GRIP1: variants seen among roughly 807,000 people sequenced by gnomAD.
The protein encoded by GRIP1 is glutamate receptor interacting protein 1, also known as glutamate receptor-interacting protein 1.
In GRIP1, 45 loss-of-function variants were observed where a neutral mutation model predicts 129.9. The ratio of observed to expected loss-of-function variants is 0.35; its 90% CI spans 0.27 to 0.44. The LOEUF (loss-of-function observed/expected upper bound fraction) is 0.44, where lower values mean the gene tolerates loss of function less well. Among genes scored for constraint, GRIP1 ranks in the 20% least tolerant of loss-of-function variants. The probability of loss-of-function intolerance (pLI) is 1.00; values close to 1 mark genes in which losing one functional copy is unlikely to be tolerated. For missense variants in GRIP1, 1,196 were observed against 1,396.8 expected (o/e 0.86, Z 2.29); for synonymous variants, 530 against 520.8 (o/e 1.02, Z -0.24).
In GRIP1 at chr12:66,896,497, C is replaced by A. The variant is rs982121730; in HGVS notation, c.58+172553G>T. ...AGGAATTTGAAAAAAAAAAAAAAAACTTTGGTGGGCCTGAATGCCCCATTG... is the reference window on the plus strand; with the variant it reads ...AGGAATTTGAAAAAAAAAAAAAAAAATTTGGTGGGCCTGAATGCCCCATTG... On this transcript the variant is annotated intron_variant, in intron 1 of 1. Transcript: ENST00000643019. Among the ~76,000 whole-genome samples, 505 of 82,428 alleles carry A rather than the reference C, an allele frequency of 6.1e-3. 1 individual carries two copies. Among genetic ancestry groups the A allele is most frequent in the Middle Eastern group, 0.02 (4 of 202 alleles). The allele number at this position is 82,428 out of a possible 152,430, so 54.1% of individuals were successfully genotyped here. A position where few individuals can be genotyped will look rare whatever the true frequency, so the allele number is the denominator to read the frequency against.
chr12:66,415,771 T>C (rs1261943208), intron 15 of GRIP1, among the ~76,000 whole-genome samples: 4 of 152,048 alleles, frequency 2.6e-5, no homozygotes, highest in African/African-American at 9.7e-5. Flanking sequence ...CCTTTGCAGG[T>C]ACATGGATAG....
At chr12:66,378,845 G>GCTGACGCATGTGAATCGCTAGAAC (rs1328533930) in intron 20 of GRIP1, among the ~76,000 whole-genome samples, 1 of 151,958 alleles carries the variant, frequency 6.6e-6, no homozygotes, top group Non-Finnish European at 1.5e-5. Context: ...TACTCAGGAG[G>GCTGACGCATGTGAATCGCTAGAAC]CTGACGCATG....
intron 1 of GRIP1, among the ~76,000 whole-genome samples, chr12:66,792,780 A>C (rs543332582): frequency 1.3e-5 from 2 of 152,306 alleles, no homozygotes; most frequent in South Asian, 4.1e-4. Flanking sequence ...TTGTCTGAGA[A>C]AATTACAACA....
chr12:66,622,532 C>T (rs1342660891), intron 1 of GRIP1, among the ~76,000 whole-genome samples: 1 of 151,836 alleles, frequency 6.6e-6, no homozygotes, highest in Non-Finnish European at 1.5e-5. Flanking sequence ...TCTCATATAC[C>T]CCATGAATAC....
In GRIP1 at chr12:66,529,819, A is replaced by G. The variant is rs775774117; in HGVS notation, c.502+12T>C. Reference sequence around the variant, plus strand: ...ATTTTTTTTAAAGTAGATTTTTCTAACCAACACCTACCTCGAATTACAAAA... The same window carrying G: ...ATTTTTTTTAAAGTAGATTTTTCTAGCCAACACCTACCTCGAATTACAAAA... On this transcript the variant is annotated intron_variant, in intron 5 of 24. Transcript: ENST00000359742. 1 of 1,462,770 alleles carries G rather than the reference A, an allele frequency of 6.8e-7. No individual in the cohort carries two copies. Among genetic ancestry groups the G allele is most frequent in the South Asian group, 1.1e-5 (1 of 88,066 alleles). 90.6% of individuals were successfully genotyped at this position (1,462,770 alleles called of 1,614,324 possible).
At chr12:66,699,268 G>T (rs1038062769) in intron 1 of GRIP1, among the ~76,000 whole-genome samples, 1 of 152,192 alleles carries the variant, frequency 6.6e-6, no homozygotes, top group Non-Finnish European at 1.5e-5. Flanking sequence ...GGCTTCTGTG[G>T]TTCAATAACT....
At position 66,368,703 on chromosome 12, in the gene GRIP1, G is replaced by A. The variant is rs76080098; in HGVS notation, c.3012+2991C>T. 2.4e-3 allele frequency among the ~76,000 whole-genome samples: 368 copies of A among 152,298 alleles called. 2 individuals carry two copies. Among genetic ancestry groups the A allele is most frequent in the African/African-American group, 7.5e-3 (311 of 41,560 alleles). On this transcript the variant is annotated intron_variant, in intron 23 of 24. Coordinates refer to ENST00000359742, the MANE Select transcript of GRIP1 (RefSeq NM_001366722.1). ...GTTCACAAAGGTTTAATACAGGCTA[G>A]TAGTACCCCAGGGGAAGAGAGCTCC...
intron 1 of GRIP1, among the ~76,000 whole-genome samples, chr12:66,984,560 G>T (rs2042283545): frequency 6.6e-6 from 1 of 152,104 alleles, no homozygotes; most frequent in Non-Finnish European, 1.5e-5. Flanking sequence ...ACTCTATGAG[G>T]TAATTATATT....
intron 1 of GRIP1, among the ~76,000 whole-genome samples, chr12:66,925,650 T>C (rs1275297029): frequency 2.0e-5 from 3 of 152,154 alleles, no homozygotes; most frequent in African/African-American, 7.2e-5. Context: ...TTTTTTTGTT[T>C]GTTTGTTTTT....
intron 15 of GRIP1, among the ~76,000 whole-genome samples, chr12:66,416,074 A>T (rs2057590671): frequency 6.6e-6 from 1 of 152,092 alleles, no homozygotes; most frequent in Non-Finnish European, 1.5e-5. Context: ...GGAACTTAAA[A>T]TAAAATTTGA....
intron 1 of GRIP1, among the ~76,000 whole-genome samples, chr12:66,656,558 C>T (rs2033169894): frequency 6.6e-6 from 1 of 152,036 alleles, no homozygotes; most frequent in South Asian, 2.1e-4. Context: ...TGTTGTTTTT[C>T]TTATGGTACG....
intron 7 of GRIP1, 112 bp downstream of exon 7, chr12:66,515,507 T>G (rs878950407): frequency 2.1e-6 from 2 of 961,032 alleles, no homozygotes; most frequent in Admixed American, 3.4e-5. Context: ...ATTTATGAAT[T>G]CTGTCTGCTC....
intron 1 of GRIP1, among the ~76,000 whole-genome samples, chr12:66,676,858 T>C (rs959482002): frequency 3.3e-5 from 5 of 152,138 alleles, no homozygotes; most frequent in Non-Finnish European, 5.9e-5. Context: ...ACCACAAGTA[T>C]GGGTGGGGTG....
chr12:66,395,958 A>G (rs1435972253), intron 16 of GRIP1, among the ~76,000 whole-genome samples: 1 of 152,088 alleles, frequency 6.6e-6, no homozygotes, highest in Non-Finnish European at 1.5e-5. Context: ...AAAAGTCTAA[A>G]TTTTCCTACA....
intron 1 of GRIP1, among the ~76,000 whole-genome samples, chr12:66,786,789 T>C (rs2038360510): frequency 6.6e-6 from 1 of 152,156 alleles, no homozygotes; most frequent in South Asian, 2.1e-4. Flanking sequence ...AACACCCAGT[T>C]TATATGGGAC....
intron 1 of GRIP1, among the ~76,000 whole-genome samples, chr12:66,751,144 G>T (rs951943838): frequency 2.6e-5 from 4 of 152,154 alleles, no homozygotes; most frequent in African/African-American, 9.7e-5. Flanking sequence ...ACTCTGCAGG[G>T]TTCTTATTTT....
intron 16 of GRIP1, among the ~76,000 whole-genome samples, chr12:66,401,579 CAA>C (rs576589514): frequency 0.013 from 821 of 63,852 alleles, 22 homozygotes; most frequent in African/African-American, 0.048. Context: ...AATTCCGTCT[CAA>C]AAAAAAAAAT....
chr12:66,431,669 C>T (rs2058151713), intron 14 of GRIP1, among the ~76,000 whole-genome samples: 1 of 152,184 alleles, frequency 6.6e-6, no homozygotes, highest in Non-Finnish European at 1.5e-5. Flanking sequence ...TGGTCACAGT[C>T]ATTACCTCTA....
intron 1 of GRIP1, among the ~76,000 whole-genome samples, chr12:66,877,308 G>C (rs1464851491): frequency 6.6e-6 from 1 of 151,946 alleles, no homozygotes; most frequent in Non-Finnish European, 1.5e-5. Context: ...TATATCTTTT[G>C]TATTTCAGTC....
Sources: gnomAD v4.1 joint callset for allele counts (sites outside exome capture counted in the v4.1 genomes callset) on GRCh38, gnomAD v4.1.1 for gene constraint, MANE v1.5 for transcripts, NCBI Gene and HGNC (gene_info 2026-07-23, HGNC 2026-07-21) for gene names.